The following NRG4 variants were observed in gnomAD, a reference collection of about 807,000 sequenced individuals.
The protein encoded by NRG4 is pro-neuregulin-4, membrane-bound isoform.
A neutral mutation model predicts 15.0 loss-of-function variants in NRG4; 10 were observed. The ratio of observed to expected loss-of-function variants is 0.67; its 90% confidence interval spans 0.41 to 1.13. The LOEUF is 1.13. NRG4 is among the 50% of genes most tolerant of loss of function. The pLI is 0.00. For missense variants in NRG4, 139 were observed against 140.2 expected (o/e 0.99, Z 0.04); for synonymous variants, 41 against 50.1 (o/e 0.82, Z 0.77).
At chr15:75,974,382 C>A (rs2033264943) in intron 3 of NRG4, among the ~76,000 whole-genome samples, 1 of 151,980 alleles carries the variant, frequency 6.6e-6, no homozygotes. Flanking sequence ...CTGCTCTGAT[C>A]TTAGTTATTT....
intron 3 of NRG4, among the ~76,000 whole-genome samples, chr15:75,966,368 C>T (rs2032796507): frequency 6.6e-6 from 1 of 152,176 alleles, no homozygotes; most frequent in Non-Finnish European, 1.5e-5. Flanking sequence ...TTGGGCAAGT[C>T]ACTTAAGACT....
downstream of NRG4, chr15:75,938,277 C>G (rs999280693): frequency 3.9e-5 from 6 of 151,942 alleles, no homozygotes; most frequent in African/African-American, 1.2e-4. Flanking sequence ...TGGATGACAG[C>G]TTTTAAAAAT....
rs767056410 is a variant in NRG4, at chr15:75,943,661, AAAAT to A, written c.332-11_332-8del. ...CTTCAGTGTTGTTCATGACCTGTGA[AAAAT>A]AAGTAAGAATTAAGATGCTTTCTCC... On this transcript the variant is annotated splice_polypyrimidine_tract_variant and splice_region_variant and intron_variant, in intron 5 of 5. Transcript: ENST00000394907. The A allele has an allele frequency of 2.6e-6, 4 of 1,550,924 alleles. No individual in the cohort carries two copies. Among genetic ancestry groups the A allele is most frequent in the Admixed American group, 1.7e-5 (1 of 59,156 alleles).
At chr15:76,051,560 ATCT>A (rs1209343161) in intron 4 of NRG4, among the ~76,000 whole-genome samples, 8 of 146,136 alleles carry the variant, frequency 5.5e-5, no homozygotes, top group African/African-American at 5.2e-5. Flanking sequence ...TAATTGAACA[ATCT>A]TCTTTTTTTT....
intron 4 of NRG4, among the ~76,000 whole-genome samples, chr15:75,957,953 ATC>A (rs1460139019): frequency 3.9e-5 from 6 of 152,090 alleles, no homozygotes; most frequent in Non-Finnish European, 8.8e-5. Context: ...TTCATTGGAG[ATC>A]TGTTTTAGTC....
intron 4 of NRG4, among the ~76,000 whole-genome samples, chr15:76,036,693 C>T (rs1299430302): frequency 6.6e-6 from 1 of 152,010 alleles, no homozygotes; most frequent in Non-Finnish European, 1.5e-5. Context: ...ATGTAAAATG[C>T]CTGGAACATA....
intron 3 of NRG4, among the ~76,000 whole-genome samples, chr15:75,991,950 C>G (rs1305039016): frequency 6.6e-6 from 1 of 152,002 alleles, no homozygotes; most frequent in Non-Finnish European, 1.5e-5. Context: ...CTGAACCTTC[C>G]TTTTCTTGGT....
At chr15:75,966,800 G>T (rs2032815115) in intron 3 of NRG4, among the ~76,000 whole-genome samples, 1 of 152,116 alleles carries the variant, frequency 6.6e-6, no homozygotes, top group Non-Finnish European at 1.5e-5. Flanking sequence ...AAATGTTCAA[G>T]AAAACAACAT....
chr15:75,959,150 T>TAAA, intron 4 of NRG4: 2 of 372,888 alleles, frequency 5.4e-6, no homozygotes, highest in Admixed American at 3.0e-5. Context: ...CCTGGATAAT[T>TAAA]AAAAAAAAAA....
chr15:75,976,241 T>A (rs1224274131), intron 3 of NRG4, among the ~76,000 whole-genome samples: 3 of 152,206 alleles, frequency 2.0e-5, no homozygotes, highest in South Asian at 2.1e-4. Flanking sequence ...TCCTCTAACC[T>A]TTTTTCAAGG....
At chr15:75,994,120 CT>C (rs763012399) in intron 3 of NRG4, among the ~76,000 whole-genome samples, 2 of 152,092 alleles carry the variant, frequency 1.3e-5, no homozygotes, top group Non-Finnish European at 2.9e-5. Context: ...GGTTACATTC[CT>C]TTTTAAAGTA....
intron 2 of NRG4, among the ~76,000 whole-genome samples, chr15:76,056,065 G>C (rs544517232): frequency 6.6e-6 from 1 of 152,318 alleles, no homozygotes; most frequent in South Asian, 2.1e-4. Context: ...CCATGGTATT[G>C]TATCCACACA....
intron 5 of NRG4, among the ~76,000 whole-genome samples, chr15:76,018,992 T>G (rs1243031781): frequency 1.3e-5 from 2 of 151,314 alleles, no homozygotes; most frequent in African/African-American, 4.9e-5. Context: ...ACCCCCTGAC[T>G]GGGGCTGCTG....
intron 5 of NRG4, among the ~76,000 whole-genome samples, chr15:76,025,539 A>G (rs2035290083): frequency 6.6e-6 from 1 of 152,144 alleles, no homozygotes; most frequent in Non-Finnish European, 1.5e-5. Flanking sequence ...AAAAGAATCA[A>G]ACAGAAATCC....
chr15:76,023,633 T>C (rs2035225852), intron 5 of NRG4, among the ~76,000 whole-genome samples: 1 of 152,134 alleles, frequency 6.6e-6, no homozygotes, highest in Admixed American at 6.5e-5. Flanking sequence ...ATCTTGAAAT[T>C]AGAGCCACCT....
intron 5 of NRG4, among the ~76,000 whole-genome samples, chr15:75,948,287 G>A (rs188549374): frequency 1.3e-5 from 2 of 151,020 alleles, no homozygotes; most frequent in African/African-American, 2.4e-5. Flanking sequence ...TAGCTCTTAC[G>A]TTTAGGTCTT....
chr15:75,955,473 T>C (rs2032182175), intron 5 of NRG4, among the ~76,000 whole-genome samples: 1 of 152,238 alleles, frequency 6.6e-6, no homozygotes, highest in South Asian at 2.1e-4. Context: ...TGTCCATTTT[T>C]TGTTGTTTTA....
chr15:76,007,816 AT>A (rs2034662594), intron 3 of NRG4, among the ~76,000 whole-genome samples: 1 of 152,206 alleles, frequency 6.6e-6, no homozygotes, highest in South Asian at 2.1e-4. Context: ...GTATGAATAT[AT>A]TATAAAGTTA....
chr15:75,968,290 A>G (rs1160361196), intron 3 of NRG4, among the ~76,000 whole-genome samples: 1 of 152,176 alleles, frequency 6.6e-6, no homozygotes, highest in Non-Finnish European at 1.5e-5. Context: ...AAACTGATCT[A>G]AAAAATAAAG....
Sources: gnomAD v4.1 joint callset for allele counts (sites outside exome capture counted in the v4.1 genomes callset) on GRCh38, gnomAD v4.1.1 for gene constraint, MANE v1.5 for transcripts, NCBI Gene and HGNC (gene_info 2026-07-23, HGNC 2026-07-21) for gene names.